Variants in ANK1 observed in about 807,000 individuals in gnomAD.
The protein encoded by ANK1 is ankyrin-1.
A neutral mutation model predicts 210.4 loss-of-function variants in ANK1; 51 were observed. The observed-to-expected ratio is 0.24, with a 90% CI of 0.19 to 0.31. The LOEUF (loss-of-function observed/expected upper bound fraction) is 0.31. ANK1 is among the 10% of genes least tolerant of loss of function. ANK1 has a pLI of 1.00. For synonymous variants in ANK1, 967 were observed against 1,025.9 expected (o/e 0.94, Z 1.10); for missense variants, 2,051 against 2,504.4 (o/e 0.82, Z 3.86).
chr8:41,773,054 G>A, intron 1 of ANK1, among the ~76,000 whole-genome samples: 1 of 151,726 alleles, frequency 6.6e-6, no homozygotes, highest in Non-Finnish European at 1.5e-5. Flanking sequence ...AATCCAGCCT[G>A]ACCCCCCCTA....
At chr8:41,758,983 G>T (rs34034830) in intron 1 of ANK1, among the ~76,000 whole-genome samples, 1 of 151,848 alleles carries the variant, frequency 6.6e-6, no homozygotes, top group African/African-American at 2.4e-5. Flanking sequence ...CTCCTGCCCC[G>T]GCCTCTGAAA....
rs978346115 is a variant in ANK1 at position 41,690,662 on chromosome 8, C to A, written c.3859-63G>T. The A allele has an allele frequency of 1.3e-5, 21 of 1,584,010 alleles. No individual in the cohort carries two copies. In the South Asian group the frequency reaches 2.1e-4, roughly 16 times the overall value. On this transcript the variant is annotated intron_variant, in intron 31 of 42. Transcript: ENST00000289734. ...GAGAAGGGCCCAGATGTCCCTCCTTCCACCTTCGGTCCTTCCCTCTCCAAG... is the reference window on the plus strand; with the variant it reads ...GAGAAGGGCCCAGATGTCCCTCCTTACACCTTCGGTCCTTCCCTCTCCAAG...
intron 35 of ANK1, among the ~76,000 whole-genome samples, chr8:41,686,580 A>G (rs1318674209): frequency 6.6e-6 from 1 of 152,190 alleles, no homozygotes; most frequent in Non-Finnish European, 1.5e-5. Flanking sequence ...AACTTCCAAT[A>G]TGAGATGACA....
chr8:41,674,346 C>G (rs1813485325), intron 37 of ANK1, among the ~76,000 whole-genome samples: 1 of 152,232 alleles, frequency 6.6e-6, no homozygotes, highest in Non-Finnish European at 1.5e-5. Context: ...CACACACTCA[C>G]AGATGGGACA....
chr8:41,775,608 G>C (rs576386745), intron 1 of ANK1, among the ~76,000 whole-genome samples: 1 of 152,212 alleles, frequency 6.6e-6, no homozygotes, highest in Admixed American at 6.5e-5. Context: ...AGCAGGGCAT[G>C]GTGGCTTATG....
intron 1 of ANK1, among the ~76,000 whole-genome samples, chr8:41,855,323 AT>A (rs1241896315): frequency 1.3e-5 from 2 of 152,176 alleles, no homozygotes; most frequent in African/African-American, 2.4e-5. Flanking sequence ...TCCACTTTCC[AT>A]TTTTCATTTG....
At chr8:41,835,329 G>A (rs1336053277) in intron 1 of ANK1, among the ~76,000 whole-genome samples, 1 of 152,200 alleles carries the variant, frequency 6.6e-6, no homozygotes, top group Non-Finnish European at 1.5e-5. Context: ...GCGGGTGCCT[G>A]TAATTCCAGC....
At chr8:41,767,001 G>T (rs1448757449) in intron 1 of ANK1, among the ~76,000 whole-genome samples, 1 of 152,138 alleles carries the variant, frequency 6.6e-6, no homozygotes, top group Non-Finnish European at 1.5e-5. Flanking sequence ...CTCGGCCAGG[G>T]CCCGGCCCCC....
chr8:41,695,258 C>T lies in ANK1; in HGVS notation c.3034G>A (p.Glu1012Lys), dbSNP rs907775044. Residue 1012 changes from glutamate to lysine, a missense_variant, in exon 27 of 43, where the codon GAA becomes AAA. Around this residue, in one of 6 missense-constraint regions of ANK1, gnomAD observed 1,413 missense variants for 1,707.4 expected, o/e 0.83. Transcript: ENST00000289734. The part of the protein sequence containing the change: ...GDRELVVLRS[E>K]NGSVWKEHRS... ...TGCTCCTTCCACACGGAGCCGTTTT[C>T]GCTCCTCAGAACCACGAGCTCGCGG... is the stretch of plus-strand genomic sequence containing the variant. 8 of 1,613,972 alleles carry T rather than the reference C, an allele frequency of 5.0e-6. No homozygotes were observed. The highest frequency in any genetic ancestry group is 1.7e-5 in the Admixed American group (1 of 60,010).
At chr8:41,664,229 T>C (rs1809576249) in intron 39 of ANK1, 2 of 454,466 alleles carry the variant, frequency 4.4e-6, no homozygotes, top group African/African-American at 2.0e-5. Context: ...CCCAGCACTT[T>C]GGGAGGCCAA....
chr8:41,886,764 A>AG (rs1325368421), intron 1 of ANK1, among the ~76,000 whole-genome samples: 1 of 152,194 alleles, frequency 6.6e-6, no homozygotes, highest in Non-Finnish European at 1.5e-5. Context: ...GAGTAGATTC[A>AG]GGGGGTGGAA....
rs578244790 is a variant in ANK1, at chr8:41,694,082, C to T, written c.3348G>A (p.Glu1116=). ...LALQAQPVPD[E]LVTKLLGNQA... is the part of the protein sequence containing the mutation. ...GGTTGCCCAGGAGCTTAGTGACAAG[C>T]TCATCCGGGACAGGCTGGGCCTGTG... is the stretch of plus-strand genomic sequence containing the variant. The change falls in exon 29 of 43, where the codon GAG becomes GAA. Residue 1116 remains glutamate (E), a synonymous_variant. Transcript: ENST00000289734. This position sits in a 1 kb window ranked among gnomAD's most constrained non-coding sequence, Gnocchi z 5.7. The T allele has an allele frequency of 6.2e-7, 1 of 1,614,042 alleles. No homozygotes were observed. Among genetic ancestry groups the T allele is most frequent in the African/African-American group, 1.3e-5 (1 of 75,046 alleles).
intron 1 of ANK1, among the ~76,000 whole-genome samples, chr8:41,788,382 G>A (rs1034735941): frequency 4.6e-5 from 7 of 152,154 alleles, no homozygotes; most frequent in African/African-American, 1.4e-4. Context: ...GTGAACACCA[G>A]ACACCTGTGA....
intron 1 of ANK1, among the ~76,000 whole-genome samples, chr8:41,826,171 G>T (rs1805332884): frequency 6.6e-6 from 1 of 152,118 alleles, no homozygotes; most frequent in Non-Finnish European, 1.5e-5. Context: ...CCCCCAACCT[G>T]CCAGCTGTGA....
chr8:41,866,104 G>A (rs1814389968), intron 1 of ANK1, among the ~76,000 whole-genome samples: 1 of 152,158 alleles, frequency 6.6e-6, no homozygotes, highest in African/African-American at 2.4e-5. Flanking sequence ...CTTCTCTTGG[G>A]GCCACCAGGG....
chr8:41,723,802 T>A (rs1242077565), intron 7 of ANK1, among the ~76,000 whole-genome samples, 169 bp from the exon 8 acceptor site: 3 of 150,404 alleles, frequency 2.0e-5, no homozygotes, highest in Admixed American at 6.6e-5. Flanking sequence ...ATTTTTTTTT[T>A]TTTTTGAGAC....
intron 10 of ANK1, among the ~76,000 whole-genome samples, chr8:41,718,449 AC>A (rs1179906863): frequency 3.3e-5 from 5 of 152,102 alleles, no homozygotes; most frequent in Non-Finnish European, 7.4e-5. Context: ...TTGTTTATAA[AC>A]CTTTTTTAAA....
rs529032786 is a variant in ANK1 at position 41,704,749 on chromosome 8, T to C, written c.2098-277A>G. On this transcript the variant is annotated intron_variant, in intron 18 of 42. Coordinates refer to ENST00000289734, the MANE Select transcript of ANK1 (RefSeq NM_000037.4). This position sits in a 1 kb window ranked among gnomAD's most constrained non-coding sequence, Gnocchi z 4.1. ...TCAGTGCATGGGAGATCTGAGAGCTTTGGAGGTGAGTGAGGTCCCCCAGAA... is the reference window on the plus strand; with the variant it reads ...TCAGTGCATGGGAGATCTGAGAGCTCTGGAGGTGAGTGAGGTCCCCCAGAA... 5.9e-5 allele frequency among the ~76,000 whole-genome samples: 9 copies of C among 151,994 alleles called. No individual in the cohort carries two copies. The East Asian group carries it at 9.7e-4, about 16-fold the overall frequency.
At position 41,661,453 on chromosome 8, in the gene ANK1, G is replaced by T. The variant is rs1202051386; in HGVS notation, c.*13C>A. 1 of 1,614,108 alleles carries T rather than the reference G, an allele frequency of 6.2e-7. No individual in the cohort carries two copies. The highest frequency in any genetic ancestry group is 1.1e-5 in the South Asian group (1 of 91,080). On this transcript the variant is annotated 3_prime_UTR_variant, in exon 42 of 43. Transcript: ENST00000289734. Reference sequence around the variant, plus strand: ...ACCTCCCGAGAGGCTACTCCAAGGAGAGCGGCTCGGGGTCACTGTTTCCCC... The same window carrying T: ...ACCTCCCGAGAGGCTACTCCAAGGATAGCGGCTCGGGGTCACTGTTTCCCC...
Sources: allele counts gnomAD v4.1 joint callset (sites outside exome capture counted in the v4.1 genomes callset), GRCh38; gene constraint gnomAD v4.1.1; regional missense constraint gnomAD v4.1.1; non-coding constraint Gnocchi (gnomAD v3.1); transcripts MANE v1.5; gene names NCBI Gene and HGNC (gene_info 2026-07-23, HGNC 2026-07-21).